The following ACOT12 variants were observed in gnomAD, a reference collection of about 807,000 sequenced individuals.
The protein encoded by ACOT12 is acetyl-coenzyme A thioesterase.
Under a neutral mutation model 67.7 loss-of-function variants are expected in ACOT12, and 51 were observed. The observed-to-expected ratio is 0.75, with a 90% CI of 0.60 to 0.95. The LOEUF (loss-of-function observed/expected upper bound fraction) is 0.95. ACOT12 is among the 40% of genes least tolerant of loss of function. The pLI is 0.00. For missense variants in ACOT12, 734 were observed against 708.1 expected, an observed-to-expected ratio of 1.04 and a Z score of -0.41; for synonymous variants, 251 against 244.6, an observed-to-expected ratio of 1.03 and a Z score of -0.24.
At position 81,339,994 on chromosome 5, in the gene ACOT12, G is replaced by T. The variant is rs531213705; in HGVS notation, c.1128+2678C>A. On this transcript the variant is annotated intron_variant, in intron 11 of 14. Coordinates refer to ENST00000307624, the MANE Select transcript of ACOT12 (RefSeq NM_130767.3). ...TCTACCTCAGATTCCCGAGTAGCTG[G>T]GACTACAGGTGGATGCTGTCAGACC... Among the ~76,000 whole-genome samples, 65 of 151,832 alleles carry T rather than the reference G, an allele frequency of 4.3e-4. No homozygotes were observed. In the South Asian group the frequency reaches 5.0e-3, roughly 12 times the overall value.
At chr5:81,327,270 T>C (rs141312141), downstream of ACOT12, among the ~76,000 whole-genome samples, 3,322 of 151,642 alleles carry the variant, frequency 0.022, 73 homozygotes, top group Non-Finnish European at 0.038. Flanking sequence ...CTTTCCATTA[T>C]TTATTAAAAT....
chr5:81,345,343 G>C (rs537574734), intron 7 of ACOT12, among the ~76,000 whole-genome samples: 5 of 152,022 alleles, frequency 3.3e-5, no homozygotes, highest in Non-Finnish European at 5.9e-5. Context: ...GCAATGTGGG[G>C]GAGGGCTTAA....
At chr5:81,389,728 T>C (rs181694333) in intron 1 of ACOT12, among the ~76,000 whole-genome samples, 3 of 152,126 alleles carry the variant, frequency 2.0e-5, no homozygotes, top group Admixed American at 2.0e-4. Context: ...GATTTCACCA[T>C]GTTGGCCAGG....
At chr5:81,333,553 A>C (rs6881927) in intron 12 of ACOT12, among the ~76,000 whole-genome samples, 30,946 of 152,174 alleles carry the variant, frequency 0.2, 3,341 homozygotes, top group African/African-American at 0.28. Context: ...TTCACTCCCC[A>C]ATTTGTTCAA....
At chr5:81,326,352 C>T (rs541333733), downstream of ACOT12, among the ~76,000 whole-genome samples, 1 of 151,870 alleles carries the variant, frequency 6.6e-6, no homozygotes, top group South Asian at 2.1e-4. Context: ...TCAAGCTCCC[C>T]ATCTCAGGTG....
chr5:81,364,286 A>G (rs1760007273), intron 3 of ACOT12, among the ~76,000 whole-genome samples: 3 of 150,820 alleles, frequency 2.0e-5, no homozygotes, highest in African/African-American at 4.9e-5. Flanking sequence ...CATACATATC[A>G]CATAATACAT....
At chr5:81,376,887 C>A (rs1037626924) in intron 2 of ACOT12, among the ~76,000 whole-genome samples, 3 of 152,132 alleles carry the variant, frequency 2.0e-5, no homozygotes, top group African/African-American at 7.2e-5. Context: ...CAGATGGATT[C>A]ACAGCCGAAT....
intron 5 of ACOT12, among the ~76,000 whole-genome samples, chr5:81,349,159 C>T (rs942755477): frequency 6.6e-6 from 1 of 152,222 alleles, no homozygotes; most frequent in Non-Finnish European, 1.5e-5. Flanking sequence ...GGCATAGTCA[C>T]ATCTGGTGAT....
chr5:81,368,125 C>G (rs113920670), intron 3 of ACOT12, among the ~76,000 whole-genome samples: 7 of 152,076 alleles, frequency 4.6e-5, no homozygotes, highest in Non-Finnish European at 1.0e-4. Context: ...AATCCTTTCT[C>G]TACTAAAAAT....
At chr5:81,337,239 G>A (rs1759033494) in intron 11 of ACOT12, among the ~76,000 whole-genome samples, 1 of 152,226 alleles carries the variant, frequency 6.6e-6, no homozygotes, top group Non-Finnish European at 1.5e-5. Context: ...AATCTCAGAG[G>A]AGCTGAGGGC....
At chr5:81,311,776 G>T in the ACOT12 span, among the ~76,000 whole-genome samples, 2 of 152,128 alleles carry the variant, frequency 1.3e-5, no homozygotes, top group African/African-American at 2.4e-5. Flanking sequence ...TGAAATACCA[G>T]CCTTATTCAT....
the ACOT12 span, among the ~76,000 whole-genome samples, chr5:81,319,492 C>T: frequency 9.9e-5 from 15 of 152,228 alleles, no homozygotes; most frequent in African/African-American, 3.4e-4. Context: ...CCAAGGCGGG[C>T]GGATTATCTG....
At position 81,335,793 on chromosome 5, in the gene ACOT12, G is replaced by T; in HGVS notation, c.1237C>A (p.Arg413=). 6.2e-7 allele frequency: 1 copy of T among 1,611,456 alleles called. No homozygotes were observed. The highest frequency in any genetic ancestry group is 1.7e-4 in the Middle Eastern group (1 of 6,040). The change falls in exon 12 of 15, where the codon CGA becomes AGA. Residue 413 remains arginine (R), a synonymous_variant. Transcript: ENST00000307624. The stretch of plus-strand genomic sequence containing the variant: ...ACAAAATGGGGGTCCCACAAAGGTC[G>T]CTTTGTAAAGTCAGACAAGAGACGA... ...AYRLLSDFTK[R]PLWDPHFVSC...
At chr5:81,355,675 G>A (rs995000263) in intron 5 of ACOT12, among the ~76,000 whole-genome samples, 7 of 152,152 alleles carry the variant, frequency 4.6e-5, no homozygotes, top group Admixed American at 3.3e-4. Flanking sequence ...AATGCATAGG[G>A]CCAGCTCCTA....
chr5:81,393,902 C>G (rs1760930243), intron 1 of ACOT12, 86 bp downstream of exon 1: 2 of 1,238,564 alleles, frequency 1.6e-6, no homozygotes, highest in East Asian at 3.4e-5. Context: ...GTACCTTCCT[C>G]GCCTTCCTAC....
chr5:81,344,183 T>G lies in ACOT12; in HGVS notation c.957A>C (p.Ala319=). The part of the protein sequence containing the change: ...DDFRRYRGAI[A]RKRIRLGRKY... ...ACCTGCCTAGGCGAATTCGCTTGCGTGCAATAGCTCCCCGATAGCGTCTGA... is the reference window on the plus strand; with the variant it reads ...ACCTGCCTAGGCGAATTCGCTTGCGGGCAATAGCTCCCCGATAGCGTCTGA... The change falls in exon 9 of 15, where the codon GCA becomes GCC. Residue 319 remains alanine (A), a synonymous_variant. Transcript: ENST00000307624. The G allele has an allele frequency of 6.2e-7, 1 of 1,613,802 alleles. No individual in the cohort carries two copies. The highest frequency in any genetic ancestry group is 2.2e-5 in the East Asian group (1 of 44,868).
chr5:81,355,071 G>A (rs7706593), intron 5 of ACOT12, among the ~76,000 whole-genome samples: 1 of 151,910 alleles, frequency 6.6e-6, no homozygotes, highest in East Asian at 1.9e-4. Context: ...TTTGAGGGTC[G>A]CCTGTAGCTC....
At chr5:81,393,403 A>C (rs1760914748) in intron 1 of ACOT12, among the ~76,000 whole-genome samples, 1 of 152,240 alleles carries the variant, frequency 6.6e-6, no homozygotes, top group South Asian at 2.1e-4. Flanking sequence ...CTACATAAAC[A>C]AAAGCTGCCT....
At chr5:81,340,354 GTTGTTTTGTT>G (rs917727218) in intron 11 of ACOT12, among the ~76,000 whole-genome samples, 1 of 150,200 alleles carries the variant, frequency 6.7e-6, no homozygotes, top group Non-Finnish European at 1.5e-5. Flanking sequence ...ATGATTGTTT[GTTGTTTTGTT>G]TTGTTTTGTT....
Sources: allele counts gnomAD v4.1 joint callset (sites outside exome capture counted in the v4.1 genomes callset), GRCh38; gene constraint gnomAD v4.1.1; transcripts MANE v1.5; gene names NCBI Gene and HGNC (gene_info 2026-07-23, HGNC 2026-07-21).